The following CD99L2 variants were observed in gnomAD, a reference collection of about 807,000 sequenced individuals.
CD99L2 encodes the protein CD99 antigen-like protein 2.
CD99L2 carries 24 observed loss-of-function variants against 27.3 expected under a neutral mutation model. The observed-to-expected ratio is 0.88, with a 90% CI of 0.64 to 1.24. The LOEUF is 1.24. Ranked by LOEUF, CD99L2 falls within the 50% of genes most tolerant of loss-of-function variation. CD99L2 has a pLI of 0.00. For synonymous variants in CD99L2, 97 were observed against 87.9 expected (o/e 1.10, Z -0.58); for missense variants, 255 against 221.6 (o/e 1.15, Z -0.96).
intron 2 of CD99L2, among the ~76,000 whole-genome samples, chrX:150,827,103 G>A (rs1176217044): frequency 9.0e-5 from 10 of 110,767 alleles, no homozygotes; most frequent in Admixed American, 3.9e-4. Flanking sequence ...GCAGCAAGCC[G>A]GCACTCAAAA....
chrX:150,869,650 G>A (rs1393755679), intron 1 of CD99L2, among the ~76,000 whole-genome samples: 1 of 111,902 alleles, frequency 8.9e-6, no homozygotes, highest in Non-Finnish European at 1.9e-5. Context: ...AGGAGAGGAC[G>A]GCATGTGCTT....
intron 1 of CD99L2, among the ~76,000 whole-genome samples, chrX:150,865,362 C>T (rs1257985651): frequency 2.7e-5 from 3 of 110,129 alleles, no homozygotes; most frequent in Admixed American, 9.7e-5. Context: ...CCAGGCATGG[C>T]AGGGTGGGGG....
At chrX:150,897,242 A>T (rs2047626465) in intron 1 of CD99L2, among the ~76,000 whole-genome samples, 1 of 112,242 alleles carries the variant, frequency 8.9e-6, no homozygotes, top group South Asian at 3.7e-4. Flanking sequence ...AGCACTGACA[A>T]TATATATAGA....
chrX:150,881,840 C>T (rs1429814711), intron 1 of CD99L2, among the ~76,000 whole-genome samples: 9 of 93,878 alleles, frequency 9.6e-5, no homozygotes, highest in African/African-American at 2.1e-4. Context: ...TTTTTTGAGA[C>T]GGCGTCTCGC....
At chrX:150,840,946 G>A (rs1322475513) in intron 1 of CD99L2, among the ~76,000 whole-genome samples, 3 of 111,352 alleles carry the variant, frequency 2.7e-5, no homozygotes, top group Non-Finnish European at 5.7e-5. Context: ...GGAAAAAAAA[G>A]TTCCTTGCAC....
chrX:150,792,037 T>C (rs1432321825), intron 7 of CD99L2, among the ~76,000 whole-genome samples: 1 of 112,133 alleles, frequency 8.9e-6, no homozygotes, highest in East Asian at 2.8e-4. Flanking sequence ...AGCATTAGCA[T>C]ATTTTTGTGT....
chrX:150,832,519 T>C (rs1914925541), intron 1 of CD99L2, among the ~76,000 whole-genome samples: 1 of 111,183 alleles, frequency 9.0e-6, no homozygotes, highest in Non-Finnish European at 1.9e-5. Context: ...CAGCTATTCA[T>C]CTCAATAGAT....
At chrX:150,883,760 G>C (rs782275821) in intron 1 of CD99L2, among the ~76,000 whole-genome samples, 5 of 111,856 alleles carry the variant, frequency 4.5e-5, no homozygotes, top group African/African-American at 1.6e-4. Flanking sequence ...AGAATCATGA[G>C]TGAGTATTAG....
intron 9 of CD99L2, among the ~76,000 whole-genome samples, chrX:150,775,746 C>G (rs1224433119): frequency 1.8e-5 from 2 of 112,569 alleles, no homozygotes; most frequent in Non-Finnish European, 3.8e-5. Context: ...AACTGCTGCC[C>G]TCTGCTCCTG....
intron 7 of CD99L2, among the ~76,000 whole-genome samples, chrX:150,782,344 TAG>T (rs1460866893): frequency 8.9e-6 from 1 of 111,905 alleles, no homozygotes; most frequent in Non-Finnish European, 1.9e-5. Context: ...CTGCCTATGC[TAG>T]CCACTGGGGA....
At chrX:150,791,521 A>G (rs1213726078) in intron 7 of CD99L2, among the ~76,000 whole-genome samples, 1 of 111,812 alleles carries the variant, frequency 8.9e-6, no homozygotes, top group Non-Finnish European at 1.9e-5. Flanking sequence ...GTCAAATGCT[A>G]CAGAGGCCAC....
chrX:150,771,566 A>G (rs1392459665), intron 9 of CD99L2, among the ~76,000 whole-genome samples: 2 of 110,999 alleles, frequency 1.8e-5, no homozygotes, highest in African/African-American at 6.6e-5. Context: ...AGTCCTCACC[A>G]TGGCACCTCA....
chrX:150,798,871 C>T (rs930400381), intron 4 of CD99L2, among the ~76,000 whole-genome samples: 4 of 112,208 alleles, frequency 3.6e-5, no homozygotes, highest in Non-Finnish European at 5.6e-5. Context: ...TTATCTTAGC[C>T]TTCTGAGTAG....
chrX:150,829,607 G>A (rs1253732165), intron 2 of CD99L2: 6 of 290,657 alleles, frequency 2.1e-5, no homozygotes, highest in African/African-American at 1.7e-4. Context: ...TAAGGCAGCT[G>A]GAAAAAACCA....
chrX:150,851,447 C>G (rs1428178423), intron 1 of CD99L2, among the ~76,000 whole-genome samples: 2 of 112,155 alleles, frequency 1.8e-5, no homozygotes, highest in Non-Finnish European at 3.8e-5. Context: ...ATAGATGCAG[C>G]AGCACGGGGT....
chrX:150,875,721 C>T (rs1370223193), intron 1 of CD99L2, among the ~76,000 whole-genome samples: 18 of 111,897 alleles, frequency 1.6e-4, no homozygotes, highest in Non-Finnish European at 5.6e-5. Context: ...ATCATTGGGG[C>T]AGGTCTTTTC....
At chrX:150,848,487 A>C (rs2046737298) in intron 1 of CD99L2, among the ~76,000 whole-genome samples, 1 of 108,675 alleles carries the variant, frequency 9.2e-6, no homozygotes, top group African/African-American at 3.4e-5. Context: ...AACACCCTTA[A>C]CACCACTAAC....
At chrX:150,804,592 T>C (rs918284819) in intron 4 of CD99L2, among the ~76,000 whole-genome samples, 56 of 110,871 alleles carry the variant, frequency 5.1e-4, no homozygotes, top group African/African-American at 1.8e-3. Context: ...TGAAACCCCA[T>C]CTCTAGTAGA....
intron 7 of CD99L2, among the ~76,000 whole-genome samples, chrX:150,779,299 C>T (rs2045471161): frequency 8.9e-6 from 1 of 112,324 alleles, no homozygotes; most frequent in African/African-American, 3.2e-5. Context: ...TCCAGCAATT[C>T]CTATCTGACC....
Sources: allele counts gnomAD v4.1 joint callset (sites outside exome capture counted in the v4.1 genomes callset), GRCh38; gene constraint gnomAD v4.1.1; transcripts MANE v1.5; gene names NCBI Gene and HGNC (gene_info 2026-07-23, HGNC 2026-07-21).